MAML2: variants seen among roughly 807,000 people sequenced by gnomAD.
MAML2 encodes mastermind like transcriptional coactivator 2, also known as mastermind-like protein 2.
A neutral mutation model predicts 96.1 loss-of-function variants in MAML2; 22 were observed. That is an observed-to-expected ratio of 0.23 (90% CI 0.16 to 0.33). The LOEUF (loss-of-function observed/expected upper bound fraction) is 0.33, where lower values mean the gene tolerates loss of function less well. Ranked by LOEUF, MAML2 falls within the 10% of genes least tolerant of loss-of-function variation. The pLI, the probability that MAML2 is intolerant of heterozygous loss-of-function variation, is 1.00. For missense variants in MAML2, 1,367 were observed against 1,392.4 expected (o/e 0.98, Z 0.29); for synonymous variants, 561 against 521.3 (o/e 1.08, Z -1.04).
chr11:96,013,922 T>G (rs925096478), intron 2 of MAML2, among the ~76,000 whole-genome samples: 1 of 152,170 alleles, frequency 6.6e-6, no homozygotes, highest in Admixed American at 6.5e-5. Context: ...TCTGTCCTTG[T>G]GATAAGGAAG....
intron 2 of MAML2, among the ~76,000 whole-genome samples, chr11:96,041,084 T>G (rs1409660969): frequency 6.6e-6 from 1 of 152,150 alleles, no homozygotes; most frequent in African/African-American, 2.4e-5. Context: ...CACTTGGGTA[T>G]TTTCTAGTTG....
chr11:96,222,086 C>T (rs529880866), intron 1 of MAML2, among the ~76,000 whole-genome samples: 1 of 152,254 alleles, frequency 6.6e-6, no homozygotes, highest in Admixed American at 6.5e-5. Flanking sequence ...GAAAATGTTT[C>T]CAGGTAAGTC....
rs147556393 is a variant in MAML2, at chr11:96,116,980, T to C, written c.514-23463A>G. 9.9e-4 allele frequency among the ~76,000 whole-genome samples: 151 copies of C among 152,340 alleles called. 2 individuals carry two copies. Among genetic ancestry groups the C allele is most frequent in the Middle Eastern group, 6.8e-3 (2 of 294 alleles). On this transcript the variant is annotated intron_variant, in intron 1 of 4. Coordinates refer to ENST00000524717, the MANE Select transcript of MAML2 (RefSeq NM_032427.4). ...ATGATTACTAATAACAAATGATGAA[T>C]TGAATTGACAGCCATTAATTCAGGT...
chr11:95,990,304 C>G (rs1486038323), intron 3 of MAML2, among the ~76,000 whole-genome samples: 2 of 151,992 alleles, frequency 1.3e-5, no homozygotes, highest in Non-Finnish European at 2.9e-5. Flanking sequence ...AAATTCTGGC[C>G]TCTCAAGCCC....
At chr11:96,303,159 A>G (rs6483496) in intron 1 of MAML2, among the ~76,000 whole-genome samples, 33,534 of 152,096 alleles carry the variant, frequency 0.22, 4,155 homozygotes, top group African/African-American at 0.34. Context: ...TAGTTTTAAT[A>G]TTCTGCTGCC....
intron 2 of MAML2, among the ~76,000 whole-genome samples, chr11:95,998,141 AGTCT>A (rs200511361): frequency 1.1e-3 from 161 of 143,650 alleles, no homozygotes; most frequent in South Asian, 3.1e-3. Context: ...TCTGTCTGTC[AGTCT>A]GTCTGTCTGT....
intron 1 of MAML2, among the ~76,000 whole-genome samples, chr11:96,330,608 T>A (rs1170905714): frequency 5.9e-5 from 9 of 152,244 alleles, no homozygotes; most frequent in Non-Finnish European, 1.2e-4. Context: ...CCTCTGCTGG[T>A]TTCACCTGGG....
At chr11:96,009,554 A>G (rs2135726461) in intron 2 of MAML2, among the ~76,000 whole-genome samples, 1 of 152,354 alleles carries the variant, frequency 6.6e-6, no homozygotes, top group Non-Finnish European at 1.5e-5. Flanking sequence ...TATGTGGTGA[A>G]TAACTTCCAG....
At chr11:96,062,013 T>C (rs1480588175) in intron 2 of MAML2, among the ~76,000 whole-genome samples, 1 of 152,194 alleles carries the variant, frequency 6.6e-6, no homozygotes, top group Non-Finnish European at 1.5e-5. Context: ...ACTTTAAGCA[T>C]TATTTATAGA....
intron 1 of MAML2, among the ~76,000 whole-genome samples, chr11:96,169,994 C>T (rs1028196563): frequency 1.3e-5 from 2 of 152,232 alleles, no homozygotes; most frequent in Admixed American, 6.5e-5. Flanking sequence ...CATGGAGCAA[C>T]ATCTCTGGTT....
chr11:96,165,064 T>G (rs371744412), intron 1 of MAML2, among the ~76,000 whole-genome samples: 21 of 152,350 alleles, frequency 1.4e-4, no homozygotes, highest in African/African-American at 4.8e-4. Context: ...GTAGATAAAT[T>G]CTGTTAATTT....
intron 1 of MAML2, among the ~76,000 whole-genome samples, chr11:96,133,389 G>A (rs1023965824): frequency 4.0e-5 from 6 of 151,384 alleles, no homozygotes; most frequent in African/African-American, 7.3e-5. Flanking sequence ...TTTTCTTATC[G>A]ATTTTAAAAT....
chr11:96,095,225 A>G (rs1382844088), intron 1 of MAML2, among the ~76,000 whole-genome samples: 1 of 152,146 alleles, frequency 6.6e-6, no homozygotes, highest in African/African-American at 2.4e-5. Context: ...AACTACAGAG[A>G]CATCCTAGAT....
At chr11:96,079,703 C>T (rs147960639) in intron 2 of MAML2, among the ~76,000 whole-genome samples, 1 of 152,318 alleles carries the variant, frequency 6.6e-6, no homozygotes, top group African/African-American at 2.4e-5. Context: ...CTTTCCCCTT[C>T]ACACGCCCTT....
chr11:96,339,508 C>A (rs940910907), intron 1 of MAML2, among the ~76,000 whole-genome samples: 3 of 152,210 alleles, frequency 2.0e-5, no homozygotes, highest in African/African-American at 7.2e-5. Context: ...CTGTGAAGGC[C>A]ACAAGGGAAG....
intron 2 of MAML2, among the ~76,000 whole-genome samples, chr11:96,072,138 A>G (rs1405577365): frequency 6.6e-6 from 1 of 152,202 alleles, no homozygotes; most frequent in East Asian, 1.9e-4. Context: ...GAATATCTCT[A>G]ATTCCTCTCT....
intron 2 of MAML2, among the ~76,000 whole-genome samples, chr11:96,046,413 T>C (rs1308535010): frequency 6.6e-6 from 1 of 152,172 alleles, no homozygotes; most frequent in Non-Finnish European, 1.5e-5. Context: ...AGCAAAATGT[T>C]CTAGTTTCAA....
At chr11:96,079,335 C>T (rs1266617911) in intron 2 of MAML2, among the ~76,000 whole-genome samples, 1 of 151,824 alleles carries the variant, frequency 6.6e-6, no homozygotes, top group East Asian at 1.9e-4. Flanking sequence ...GAAAATAGGC[C>T]CAGAAAAATA....
rs557851548 is a variant in MAML2 at position 96,103,686 on chromosome 11, C to G, written c.514-10169G>C. 2.0e-5 allele frequency among the ~76,000 whole-genome samples: 3 copies of G among 152,288 alleles called. No homozygotes were observed. In the East Asian group the frequency reaches 5.8e-4, roughly 29 times the overall value. On this transcript the variant is annotated intron_variant, in intron 1 of 4. Transcript: ENST00000524717. The stretch of plus-strand genomic sequence containing the variant: ...ATCCTGTCCTTCCCTGTCTGTTTCT[C>G]TCAGGTCACATTCTTCATTCTTCTT...
Sources: gnomAD v4.1 joint callset for allele counts (sites outside exome capture counted in the v4.1 genomes callset) on GRCh38, gnomAD v4.1.1 for gene constraint, MANE v1.5 for transcripts, NCBI Gene and HGNC (gene_info 2026-07-23, HGNC 2026-07-21) for gene names.